Variants in EXOC3L4 observed in about 807,000 individuals in gnomAD.
EXOC3L4 encodes the protein exocyst complex component 3-like protein 4.
EXOC3L4 carries 62 observed loss-of-function variants against 69.7 expected under a neutral mutation model. The ratio of observed to expected loss-of-function variants is 0.89; its 90% confidence interval spans 0.72 to 1.10. The LOEUF (loss-of-function observed/expected upper bound fraction) is 1.10. Ranked by LOEUF, EXOC3L4 falls within the 50% of genes least tolerant of loss-of-function variation. The pLI is 0.00. For missense variants in EXOC3L4, 1,087 were observed against 1,034.8 expected (o/e 1.05, Z -0.69); for synonymous variants, 502 against 464.2 (o/e 1.08, Z -1.05).
chr14:103,104,352 G>T lies in EXOC3L4; in HGVS notation c.1247G>T (p.Gly416Val), dbSNP rs1441124931. ...GCCGAGGTCCCCGAGGTGCTGCAGG[G>T]CCTCTACCAGGCGCCGCTGTCCATG... Reference protein sequence around the residue: ...AAAEVPEVLQGLYQAPLSMDV... With the variant: ...AAAEVPEVLQVLYQAPLSMDV... The change falls in exon 5 of 12, where the codon GGC becomes GTC. Residue 416 changes from glycine to valine, a missense_variant. Gly to Val is a moderately radical substitution (Grantham distance 109, BLOSUM62 -3). Transcript: ENST00000688303. The T allele has an allele frequency of 1.3e-6, 2 of 1,589,362 alleles. No individual in the cohort carries two copies. Among genetic ancestry groups the T allele is most frequent in the Admixed American group, 3.5e-5 (2 of 57,336 alleles).
chr14:103,106,268 A>T (rs1481042179), intron 7 of EXOC3L4, among the ~76,000 whole-genome samples: 2 of 152,134 alleles, frequency 1.3e-5, no homozygotes, highest in African/African-American at 4.8e-5. Context: ...CTCGTCCTTA[A>T]TCTGTGCCAG....
chr14:103,103,368 A>AAAAG (rs1296080341), intron 3 of EXOC3L4, among the ~76,000 whole-genome samples: 40 of 146,194 alleles, frequency 2.7e-4, no homozygotes, highest in Non-Finnish European at 3.3e-4. Flanking sequence ...AAAAAAAAAA[A>AAAAG]AAAGAAAGAA....
At chr14:103,106,360 C>T (rs1164795784) in intron 7 of EXOC3L4, among the ~76,000 whole-genome samples, 1 of 152,242 alleles carries the variant, frequency 6.6e-6, no homozygotes, top group Non-Finnish European at 1.5e-5. Flanking sequence ...CTGGCCAAAC[C>T]CTTGATGGAA....
chr14:103,094,263 T>C (rs2139453305), upstream of EXOC3L4, among the ~76,000 whole-genome samples: 1 of 152,288 alleles, frequency 6.6e-6, no homozygotes, highest in East Asian at 1.9e-4. Context: ...TCTCAACTGC[T>C]GCCTTTGCTG....
At chr14:103,103,895 C>G in intron 3 of EXOC3L4, 46 bp from the exon 4 acceptor site, 4 of 1,367,860 alleles carry the variant, frequency 2.9e-6, no homozygotes, top group Non-Finnish European at 4.0e-6. Context: ...CAGCGGCTGC[C>G]GCATCAGAGC....
intron 1 of EXOC3L4, among the ~76,000 whole-genome samples, chr14:103,095,245 C>A (rs569504272): frequency 6.6e-6 from 1 of 152,342 alleles, no homozygotes; most frequent in South Asian, 2.1e-4. Context: ...ATTCACTTTC[C>A]TGGTTTCCCC....
rs1890233150 is a variant in EXOC3L4 at position 103,102,284 on chromosome 14, C to CG, written c.564dup (p.Leu189AlafsTer164). 1.3e-6 allele frequency: 2 copies of CG among 1,578,696 alleles called. No homozygotes were observed. Among genetic ancestry groups the CG allele is most frequent in the African/African-American group, 2.7e-5 (2 of 74,300 alleles). ...CTATGGACGTGTGCCTGCTTTACGA[C>CG]GGGCTGGCAGCCGAGATCGGCGCCA... On this transcript the variant is annotated frameshift_variant, in exon 3 of 12. Transcript: ENST00000688303. LOFTEE classifies it high-confidence loss of function.
chr14:103,110,160 C>T lies in EXOC3L4; in HGVS notation c.2106C>T (p.Gly702=), dbSNP rs1408364067. The stretch of plus-strand genomic sequence containing the variant: ...CGGCGGGTGCGGAGGCCCCTCGGGG[C>T]CGCGTGCTCTTCGAGGAGATCAAGG... ...AGAAGAEAPR[G]RVLFEEIKVP... is the part of the protein sequence containing the mutation. Residue 702 remains glycine (G), a synonymous_variant, in exon 12 of 12, where the codon GGC becomes GGT. Transcript: ENST00000688303. 17 of 1,541,160 alleles carry T rather than the reference C, an allele frequency of 1.1e-5. No homozygotes were observed. Among genetic ancestry groups the T allele is most frequent in the African/African-American group, 1.1e-4 (8 of 73,178 alleles).
rs557402096 is a variant in EXOC3L4 at position 103,097,023 on chromosome 14, T to C, written c.-17+2183T>C. On this transcript the variant is annotated intron_variant, in intron 1 of 11. Transcript: ENST00000688303. The surrounding 1 kb of genome is among the most constrained non-coding windows in gnomAD (Gnocchi z 4.9). ...GAGCGATGGTCCAGTCCCAGCGTAGTTGGGGAGGCTGGGGAGTGGGTGAGC... is the reference window on the plus strand; with the variant it reads ...GAGCGATGGTCCAGTCCCAGCGTAGCTGGGGAGGCTGGGGAGTGGGTGAGC... Among the ~76,000 whole-genome samples the C allele has an allele frequency of 4.6e-5, 7 of 151,636 alleles. No individual in the cohort carries two copies. The highest frequency in any genetic ancestry group is 3.9e-4 in the East Asian group (2 of 5,148).
intron 5 of EXOC3L4, 149 bp downstream of exon 5, chr14:103,104,538 C>G: frequency 7.5e-7 from 1 of 1,337,390 alleles, no homozygotes; most frequent in South Asian, 1.7e-5. Flanking sequence ...AATCGGGGAC[C>G]CCCGGCGCGC....
chr14:103,106,401 C>T (rs968878360), intron 7 of EXOC3L4, among the ~76,000 whole-genome samples: 2 of 152,208 alleles, frequency 1.3e-5, no homozygotes, highest in Non-Finnish European at 2.9e-5. Context: ...TCCCTGGCTG[C>T]GGGGACTGCG....
In EXOC3L4 at chr14:103,100,440, G is replaced by A. The variant is rs1455075208; in HGVS notation, c.221G>A (p.Gly74Asp). 12 of 1,613,226 alleles carry A rather than the reference G, an allele frequency of 7.4e-6. No individual in the cohort carries two copies. Among genetic ancestry groups the A allele is most frequent in the Non-Finnish European group, 1.0e-5 (12 of 1,179,926 alleles). Residue 74 changes from glycine (G) to aspartate (D), a missense_variant, in exon 2 of 12, where the codon GGC (glycine) becomes GAC (aspartate). Physicochemically the swap from Gly to Asp is moderately conservative, Grantham distance 94. Transcript: ENST00000688303. Reference sequence around the variant, plus strand: ...ACCCAGGTCTCCAAGGAAGATACGGGCCTGTTCCGGCGAAGCTCCTGCTCC... The same window carrying A: ...ACCCAGGTCTCCAAGGAAGATACGGACCTGTTCCGGCGAAGCTCCTGCTCC... ...ALTQVSKEDT[G>D]LFRRSSCSLF...
rs372356744 is a variant in EXOC3L4, at chr14:103,108,461, C to T, written c.1920C>T (p.Tyr640=). 9 of 1,613,968 alleles carry T rather than the reference C, an allele frequency of 5.6e-6. No homozygotes were observed. The highest frequency in any genetic ancestry group is 7.6e-6 in the Non-Finnish European group (9 of 1,179,906). ...QCVAEILGET[Y]KDDIQRHLET... is the part of the protein sequence containing the mutation. Reference sequence around the variant, plus strand: ...TGGCTGAGATCCTGGGCGAGACCTACAAAGATGACATCCAGCGGCACCTGG... The same window carrying T: ...TGGCTGAGATCCTGGGCGAGACCTATAAAGATGACATCCAGCGGCACCTGG... The change falls in exon 11 of 12, where the codon TAC becomes TAT. Residue 640 remains tyrosine, a synonymous_variant. Coordinates refer to ENST00000688303, the MANE Select transcript of EXOC3L4 (RefSeq NM_001077594.2).
intron 9 of EXOC3L4, 21 bp from the exon 10 acceptor site, chr14:103,107,610 C>A: frequency 6.2e-7 from 1 of 1,603,678 alleles, no homozygotes; most frequent in Middle Eastern, 1.7e-4. Flanking sequence ...CTGACCCTGA[C>A]CCTGACCCTG....
chr14:103,103,068 A>G (rs1890301191), intron 3 of EXOC3L4, among the ~76,000 whole-genome samples: 1 of 152,202 alleles, frequency 6.6e-6, no homozygotes, highest in African/African-American at 2.4e-5. Flanking sequence ...GGCGCATCAG[A>G]AAAGGGCACA....
chr14:103,094,324 C>T (rs114127676), upstream of EXOC3L4, among the ~76,000 whole-genome samples: 6 of 152,178 alleles, frequency 3.9e-5, no homozygotes, highest in East Asian at 3.9e-4. Context: ...GGGATGAACT[C>T]GATGGACTGG....
chr14:103,104,992 G>T lies in EXOC3L4; in HGVS notation c.1386G>T (p.Arg462Ser), dbSNP rs1566950670. The T allele has an allele frequency of 1.9e-6, 3 of 1,612,424 alleles. No individual in the cohort carries two copies. Among genetic ancestry groups the T allele is most frequent in the Non-Finnish European group, 2.5e-6 (3 of 1,178,776 alleles). ...CTRALGLFVP[R>S]FEKAFLASEA... Reference sequence around the variant, plus strand: ...AAAGGCTCTGTGTATCCCGCCCCAGGTTTGAAAAGGCTTTTCTGGCGTCGG... The same window carrying T: ...AAAGGCTCTGTGTATCCCGCCCCAGTTTTGAAAAGGCTTTTCTGGCGTCGG... The change falls in exon 7 of 12, where the codon AGG becomes AGT. Residue 462 changes from arginine (R) to serine (S), a missense_variant and splice_region_variant. Transcript: ENST00000688303.
At position 103,103,985 on chromosome 14, in the gene EXOC3L4, C is replaced by T. The variant is rs557143054; in HGVS notation, c.1094C>T (p.Pro365Leu). The change falls in exon 4 of 12, where the codon CCG (proline) becomes CTG (leucine). Residue 365 changes from proline (P) to leucine (L), a missense_variant. Coordinates refer to ENST00000688303, the MANE Select transcript of EXOC3L4 (RefSeq NM_001077594.2). Reference sequence around the variant, plus strand: ...CCGGGGCTGGCGCTGCCCGCCGAGCCGCTGCCTCCGCTCCTGGCGCCGGAC... The same window carrying T: ...CCGGGGCTGGCGCTGCCCGCCGAGCTGCTGCCTCCGCTCCTGGCGCCGGAC... The part of the protein sequence containing the change: ...GAPGLALPAE[P>L]LPPLLAPDVW... 6 of 1,569,144 alleles carry T rather than the reference C, an allele frequency of 3.8e-6. No homozygotes were observed. The African/African-American group carries it at 5.4e-5, about 14-fold the overall frequency.
At chr14:103,105,095 C>A in intron 7 of EXOC3L4, 23 bp downstream of exon 7, 2 of 1,580,260 alleles carry the variant, frequency 1.3e-6, no homozygotes, top group Non-Finnish European at 1.7e-6. Context: ...CGCTCCTGTG[C>A]GGGCGCAGCG....
Sources: gnomAD v4.1 joint callset for allele counts (sites outside exome capture counted in the v4.1 genomes callset) on GRCh38, gnomAD v4.1.1 for gene constraint, Gnocchi (gnomAD v3.1) non-coding constraint, MANE v1.5 for transcripts, NCBI Gene and HGNC (gene_info 2026-07-23, HGNC 2026-07-21) for gene names.